Variants in MYT1L observed in about 807,000 individuals in gnomAD.
MYT1L encodes the protein myelin transcription factor 1-like protein.
In MYT1L, 12 loss-of-function variants were observed where a neutral mutation model predicts 126.7. The ratio of observed to expected loss-of-function variants is 0.09; its 90% CI spans 0.06 to 0.15. The LOEUF is 0.15. MYT1L is among the 10% of genes least tolerant of loss of function. MYT1L has a pLI of 1.00. For missense variants in MYT1L, 979 were observed against 1,585.2 expected, an observed-to-expected ratio of 0.62 and a Z score of 6.49; for synonymous variants, 541 against 604.2, an observed-to-expected ratio of 0.90 and a Z score of 1.53.
intron 13 of MYT1L, among the ~76,000 whole-genome samples, chr2:1,905,684 T>A (rs1446089159): frequency 6.6e-6 from 1 of 152,202 alleles, no homozygotes; most frequent in Non-Finnish European, 1.5e-5. Flanking sequence ...AAGATCCTAT[T>A]TCTTGATTAC....
At chr2:2,262,055 C>A (rs554612483) in intron 2 of MYT1L, among the ~76,000 whole-genome samples, 10 of 152,274 alleles carry the variant, frequency 6.6e-5, no homozygotes, top group African/African-American at 1.9e-4. Flanking sequence ...AATTGAGACA[C>A]CCCTTAACAT....
At chr2:1,975,213 A>G (rs1465624225) in intron 8 of MYT1L, among the ~76,000 whole-genome samples, 1 of 152,088 alleles carries the variant, frequency 6.6e-6, no homozygotes, top group African/African-American at 2.4e-5. Context: ...GAGACCCAGA[A>G]CACCACTGAG....
intron 2 of MYT1L, among the ~76,000 whole-genome samples, chr2:2,211,184 T>A (rs959586048): frequency 6.6e-6 from 1 of 152,238 alleles, no homozygotes; most frequent in South Asian, 2.1e-4. Context: ...TAATTGCTTA[T>A]GCATGTTTGA....
chr2:2,212,086 T>A (rs954478609), intron 2 of MYT1L, among the ~76,000 whole-genome samples: 1 of 152,148 alleles, frequency 6.6e-6, no homozygotes, highest in South Asian at 2.1e-4. Flanking sequence ...TCTAGACACA[T>A]GACTGATGCT....
intron 1 of MYT1L, among the ~76,000 whole-genome samples, chr2:2,327,382 T>C (rs2096255668): frequency 6.6e-6 from 1 of 152,168 alleles, no homozygotes. Context: ...GAAACTTAGC[T>C]TGGTGAAAAA....
chr2:1,808,241 C>T (rs774691719), intron 22 of MYT1L, among the ~76,000 whole-genome samples: 7 of 152,154 alleles, frequency 4.6e-5, no homozygotes, highest in Non-Finnish European at 7.3e-5. Context: ...TTAATAGATA[C>T]TGTGGATTCC....
chr2:2,247,353 T>G (rs2094553757), intron 2 of MYT1L, among the ~76,000 whole-genome samples: 1 of 152,086 alleles, frequency 6.6e-6, no homozygotes. Context: ...ATATATATGC[T>G]CCCAACACTG....
At chr2:2,322,942 T>G (rs568036204) in intron 1 of MYT1L, among the ~76,000 whole-genome samples, 1 of 152,336 alleles carries the variant, frequency 6.6e-6, no homozygotes, top group African/African-American at 2.4e-5. Context: ...CTCAATTTTT[T>G]TCTTCATTCT....
At chr2:2,244,996 T>C (rs2094506343) in intron 2 of MYT1L, among the ~76,000 whole-genome samples, 1 of 152,208 alleles carries the variant, frequency 6.6e-6, no homozygotes, top group African/African-American at 2.4e-5. Context: ...TTCTAAATGA[T>C]ATGAAGCATA....
At chr2:2,175,921 G>T (rs1035502261) in intron 2 of MYT1L, among the ~76,000 whole-genome samples, 1 of 152,228 alleles carries the variant, frequency 6.6e-6, no homozygotes, top group Non-Finnish European at 1.5e-5. Context: ...TTGCTCGGGG[G>T]CTGGGTTGAG....
intron 3 of MYT1L, among the ~76,000 whole-genome samples, chr2:2,121,739 C>T (rs1166027130): frequency 6.6e-6 from 1 of 152,172 alleles, no homozygotes; most frequent in Non-Finnish European, 1.5e-5. Flanking sequence ...CCCACCTCGG[C>T]CTCCCAAAGT....
chr2:2,216,546 T>C (rs967743883), intron 2 of MYT1L, among the ~76,000 whole-genome samples: 4 of 152,144 alleles, frequency 2.6e-5, no homozygotes, highest in African/African-American at 9.7e-5. Flanking sequence ...ATTTGCAACA[T>C]TAAATGCGTA....
rs118180493 is a variant in MYT1L at position 2,017,147 on chromosome 2, G to A, written c.-157-19800C>T. On this transcript the variant is annotated intron_variant, in intron 4 of 24. Coordinates refer to ENST00000647738, the MANE Select transcript of MYT1L (RefSeq NM_001303052.2). The stretch of plus-strand genomic sequence containing the variant: ...GGGCTATTGCCGTATTCATGGACTC[G>A]TAGACTCCACACTGAGAGTTGCCCT... 8.5e-5 allele frequency among the ~76,000 whole-genome samples: 13 copies of A among 152,254 alleles called. No homozygotes were observed. The East Asian group carries it at 2.3e-3, about 27-fold the overall frequency.
Position 1,801,564 on chromosome 2 carries a change from G to A in MYT1L, c.3276+132C>T, listed in dbSNP as rs539029658. On this transcript the variant is annotated intron_variant, in intron 23 of 24. Coordinates refer to ENST00000647738, the MANE Select transcript of MYT1L (RefSeq NM_001303052.2). This position sits in a 1 kb window ranked among gnomAD's most constrained non-coding sequence, Gnocchi z 4.2. ...GTCTGCGGAAGACCAATATCATAAG[G>A]TGGAAAAATAAAGGAAATAAAAGAG... The A allele has an allele frequency of 1.7e-5, 11 of 647,818 alleles. No individual in the cohort carries two copies. The highest frequency in any genetic ancestry group is 3.0e-5 in the Non-Finnish European group (11 of 367,786). 40.1% of individuals were successfully genotyped at this position (647,818 alleles called of 1,614,324 possible).
chr2:2,151,841 G>A (rs2085848775), intron 3 of MYT1L, among the ~76,000 whole-genome samples: 1 of 152,140 alleles, frequency 6.6e-6, no homozygotes, highest in African/African-American at 2.4e-5. Flanking sequence ...GATCACCTGA[G>A]GTCAGGAATT....
chr2:2,225,310 C>T (rs986597118), intron 2 of MYT1L, among the ~76,000 whole-genome samples: 1 of 152,170 alleles, frequency 6.6e-6, no homozygotes, highest in African/African-American at 2.4e-5. Context: ...AGTTGGCCTC[C>T]CGCTGTCCCC....
intron 5 of MYT1L, among the ~76,000 whole-genome samples, chr2:1,988,667 C>G (rs188946390): frequency 6.6e-6 from 1 of 152,206 alleles, no homozygotes; most frequent in Non-Finnish European, 1.5e-5. Context: ...CCCTGCTTAC[C>G]GCATTGGGTG....
intron 1 of MYT1L, among the ~76,000 whole-genome samples, chr2:2,320,805 T>C (rs1559668654): frequency 6.6e-6 from 1 of 152,218 alleles, no homozygotes; most frequent in Admixed American, 6.5e-5. Context: ...GAAAGGCTGG[T>C]TCACAGGAAG....
At chr2:1,872,355 A>G (rs1307759853) in intron 18 of MYT1L, among the ~76,000 whole-genome samples, 2 of 152,216 alleles carry the variant, frequency 1.3e-5, no homozygotes, top group Non-Finnish European at 2.9e-5. Flanking sequence ...AAGAAATGAC[A>G]GAGAATAAGA....
Sources: allele counts gnomAD v4.1 joint callset (sites outside exome capture counted in the v4.1 genomes callset), GRCh38; gene constraint gnomAD v4.1.1; non-coding constraint Gnocchi (gnomAD v3.1); transcripts MANE v1.5; gene names NCBI Gene and HGNC (gene_info 2026-07-23, HGNC 2026-07-21).